HNF4G: variants seen among roughly 807,000 people sequenced by gnomAD.
HNF4G encodes the protein hepatocyte nuclear factor 4-gamma.
Under a neutral mutation model 50.9 loss-of-function variants are expected in HNF4G, and 21 were observed. The observed-to-expected ratio is 0.41, with a 90% CI of 0.29 to 0.59. HNF4G has a LOEUF of 0.59. Ranked by LOEUF, HNF4G falls within the 20% of genes least tolerant of loss-of-function variation. The pLI is 0.26. For missense variants in HNF4G, 527 were observed against 559.4 expected (o/e 0.94, Z 0.58); for synonymous variants, 198 against 185.6 (o/e 1.07, Z -0.54).
intron 2 of HNF4G, among the ~76,000 whole-genome samples, chr8:75,504,095 A>C (rs1258355207): frequency 1.3e-5 from 2 of 152,122 alleles, no homozygotes; most frequent in South Asian, 4.2e-4. Flanking sequence ...GGTGGCATAC[A>C]TCTGTGGTCC....
At chr8:75,536,634 G>T (rs1006726150), upstream of HNF4G, among the ~76,000 whole-genome samples, 11 of 152,034 alleles carry the variant, frequency 7.2e-5, no homozygotes, top group African/African-American at 2.7e-4. Context: ...TGTATCTAAG[G>T]TTTATGCAAC....
At chr8:75,448,595 T>C (rs1811490887) in intron 1 of HNF4G, among the ~76,000 whole-genome samples, 1 of 151,592 alleles carries the variant, frequency 6.6e-6, no homozygotes, top group Non-Finnish European at 1.5e-5. Context: ...TATAATATGT[T>C]ATTGTAATAT....
At chr8:75,510,089 G>T (rs1805710234) in intron 2 of HNF4G, among the ~76,000 whole-genome samples, 1 of 152,026 alleles carries the variant, frequency 6.6e-6, no homozygotes, top group Non-Finnish European at 1.5e-5. Context: ...AAGATATGGG[G>T]GTGGAAGGCA....
intron 1 of HNF4G, among the ~76,000 whole-genome samples, chr8:75,466,635 TC>T (rs1400529742): frequency 0.015 from 352 of 23,338 alleles, 9 homozygotes; most frequent in South Asian, 0.097. Context: ...CTTCCTTCCT[TC>T]TCCCTTCCCT....
chr8:75,450,603 T>C (rs1811561749), intron 1 of HNF4G, among the ~76,000 whole-genome samples: 1 of 152,216 alleles, frequency 6.6e-6, no homozygotes, highest in South Asian at 2.1e-4. Context: ...ACACTAGTGG[T>C]CTTTCATCTT....
intron 2 of HNF4G, among the ~76,000 whole-genome samples, chr8:75,501,955 C>T (rs190799024): frequency 4.0e-5 from 6 of 151,588 alleles, no homozygotes; most frequent in Non-Finnish European, 7.4e-5. Flanking sequence ...CGGGTTCAAG[C>T]GATTCTCCTG....
chr8:75,463,767 T>C (rs945052419), intron 1 of HNF4G, among the ~76,000 whole-genome samples: 3 of 150,588 alleles, frequency 2.0e-5, no homozygotes, highest in Admixed American at 6.6e-5. Context: ...TTTGTGAATA[T>C]GTTGATTTTT....
At chr8:75,528,726 G>T (rs1395349612) in intron 2 of HNF4G, among the ~76,000 whole-genome samples, 2 of 152,124 alleles carry the variant, frequency 1.3e-5, no homozygotes, top group Non-Finnish European at 2.9e-5. Flanking sequence ...TATGAAACTG[G>T]TTCTCTAGTT....
chr8:75,473,006 A>G (rs1015863500), intron 1 of HNF4G, among the ~76,000 whole-genome samples: 1 of 152,178 alleles, frequency 6.6e-6, no homozygotes, highest in African/African-American at 2.4e-5. Flanking sequence ...TGAGTGAGTC[A>G]CGATTTACAT....
intron 1 of HNF4G, among the ~76,000 whole-genome samples, chr8:75,476,895 G>A (rs897553067): frequency 1.3e-5 from 2 of 152,198 alleles, no homozygotes; most frequent in Non-Finnish European, 1.5e-5. Flanking sequence ...GGAGTGAGGA[G>A]TGTCTCCTCC....
At chr8:75,538,257 C>T (rs1806522280), upstream of HNF4G, among the ~76,000 whole-genome samples, 1 of 152,154 alleles carries the variant, frequency 6.6e-6, no homozygotes, top group East Asian at 1.9e-4. Context: ...GTGCTTAGAT[C>T]CATCTGTAGC....
intron 1 of HNF4G, among the ~76,000 whole-genome samples, chr8:75,469,007 C>A (rs553904196): frequency 1.3e-3 from 200 of 151,838 alleles, no homozygotes; most frequent in African/African-American, 4.6e-3. Flanking sequence ...CTTTCAGTGG[C>A]TTATTGATAT....
chr8:75,464,149 T>A (rs1287893166), intron 1 of HNF4G, among the ~76,000 whole-genome samples: 1 of 152,094 alleles, frequency 6.6e-6, no homozygotes, highest in East Asian at 1.9e-4. Context: ...AGTCACATAG[T>A]GTACTATGTT....
chr8:75,464,699 G>A (rs141674968), intron 1 of HNF4G, among the ~76,000 whole-genome samples: 1 of 152,192 alleles, frequency 6.6e-6, no homozygotes, highest in Admixed American at 6.5e-5. Context: ...TTAATAATGT[G>A]AGATATTAGA....
At chr8:75,476,672 T>G (rs546318379) in intron 1 of HNF4G, among the ~76,000 whole-genome samples, 58 of 152,352 alleles carry the variant, frequency 3.8e-4, no homozygotes, top group African/African-American at 1.3e-3. Flanking sequence ...TATCAAGAGT[T>G]GAGATGCTAG....
At chr8:75,554,465 G>A (rs989595663) in intron 5 of HNF4G, among the ~76,000 whole-genome samples, 6 of 151,954 alleles carry the variant, frequency 3.9e-5, no homozygotes, top group African/African-American at 1.2e-4. Flanking sequence ...TTATGAATAA[G>A]GCATGGGAAA....
chr8:75,436,434 G>T (rs1245709671), intron 1 of HNF4G, among the ~76,000 whole-genome samples: 1 of 152,144 alleles, frequency 6.6e-6, no homozygotes. Flanking sequence ...TGTTAGTTTA[G>T]AAATATATTG....
intron 1 of HNF4G, among the ~76,000 whole-genome samples, chr8:75,471,130 G>A (rs1163221943): frequency 6.6e-6 from 1 of 152,066 alleles, no homozygotes; most frequent in East Asian, 1.9e-4. Context: ...TTCAGGTAGT[G>A]GAGCATACTA....
In HNF4G at chr8:75,534,047, T is replaced by C. The variant is rs561136602; in HGVS notation, c.-23-9764T>C. Among the ~76,000 whole-genome samples, 17 of 152,020 alleles carry C rather than the reference T, an allele frequency of 1.1e-4. No homozygotes were observed. In the East Asian group the frequency reaches 3.3e-3, roughly 29 times the overall value. On this transcript the variant is annotated intron_variant, in intron 2 of 10. Coordinates refer to the HNF4G transcript ENST00000354370. ...TGCTATTTTTCTTAAACATTATACC[T>C]CTTCAGAACAGATTTGCAATAGGTA...
Sources: allele counts gnomAD v4.1 joint callset (sites outside exome capture counted in the v4.1 genomes callset), GRCh38; gene constraint gnomAD v4.1.1; transcripts MANE v1.5; gene names NCBI Gene and HGNC (gene_info 2026-07-23, HGNC 2026-07-21).